The following ZHX2 variants were observed in gnomAD, a reference collection of about 807,000 sequenced individuals.
The protein encoded by ZHX2 is zinc fingers and homeoboxes 2, also known as zinc fingers and homeoboxes protein 2.
ZHX2 carries 6 observed loss-of-function variants against 21.9 expected under a neutral mutation model. The ratio of observed to expected loss-of-function variants is 0.27; its 90% CI spans 0.15 to 0.54. ZHX2 has a LOEUF of 0.54. Among genes scored for constraint, ZHX2 ranks in the 20% least tolerant of loss-of-function variants. ZHX2 has a pLI of 0.95. For missense variants in ZHX2, 908 were observed against 1,090.7 expected, an observed-to-expected ratio of 0.83 and a Z score of 2.36; for synonymous variants, 434 against 437.1, an observed-to-expected ratio of 0.99 and a Z score of 0.09.
intron 2 of ZHX2, among the ~76,000 whole-genome samples, chr8:122,887,057 G>A (rs1229125139): frequency 5.0e-5 from 2 of 39,958 alleles, no homozygotes; most frequent in Non-Finnish European, 1.0e-4. Flanking sequence ...CACCGTGTGT[G>A]TGTGTGTGTG....
At chr8:122,969,662 A>C (rs1453100756) in intron 3 of ZHX2, among the ~76,000 whole-genome samples, 1 of 152,162 alleles carries the variant, frequency 6.6e-6, no homozygotes, top group Non-Finnish European at 1.5e-5. Flanking sequence ...CCAGATGACA[A>C]TGGAACAAAA....
chr8:122,811,657 G>A (rs900654459), intron 1 of ZHX2, among the ~76,000 whole-genome samples: 14 of 152,208 alleles, frequency 9.2e-5, no homozygotes, highest in Non-Finnish European at 2.9e-5. Flanking sequence ...GAAATGGTCC[G>A]TGAGTGGCTG....
At chr8:122,923,713 C>T (rs1212981524) in intron 2 of ZHX2, among the ~76,000 whole-genome samples, 1 of 152,198 alleles carries the variant, frequency 6.6e-6, no homozygotes, top group Non-Finnish European at 1.5e-5. Context: ...AACTAAGAGG[C>T]AGGACCAACA....
At chr8:122,784,779 T>C (rs1817360294) in intron 1 of ZHX2, among the ~76,000 whole-genome samples, 1 of 152,218 alleles carries the variant, frequency 6.6e-6, no homozygotes, top group Non-Finnish European at 1.5e-5. Flanking sequence ...TTCTCTCCTT[T>C]TTCTAGATGA....
rs1414509306 is a variant in ZHX2, at chr8:122,873,936, A to C, written c.-220+10397A>C. Reference sequence around the variant, plus strand: ...AGAACATGCAGTTTCTCAGACTCTGACGTTCATTGGCTTCCTACATCTTTA... The same window carrying C: ...AGAACATGCAGTTTCTCAGACTCTGCCGTTCATTGGCTTCCTACATCTTTA... On this transcript the variant is annotated intron_variant, in intron 2 of 3. Coordinates refer to ENST00000314393, the MANE Select transcript of ZHX2 (RefSeq NM_014943.5). 2.0e-5 allele frequency among the ~76,000 whole-genome samples: 3 copies of C among 152,132 alleles called. No individual in the cohort carries two copies. In the South Asian group the frequency reaches 6.2e-4, roughly 32 times the overall value.
chr8:122,918,447 C>T (rs1334401681), intron 2 of ZHX2, among the ~76,000 whole-genome samples: 1 of 152,208 alleles, frequency 6.6e-6, no homozygotes, highest in Non-Finnish European at 1.5e-5. Context: ...AGCCACCACC[C>T]TCAGTGCCTT....
At chr8:122,808,377 G>C (rs1244515547) in intron 1 of ZHX2, among the ~76,000 whole-genome samples, 1 of 152,212 alleles carries the variant, frequency 6.6e-6, no homozygotes, top group Non-Finnish European at 1.5e-5. Context: ...ACAATCATGG[G>C]TGGAAGGGGA....
intron 1 of ZHX2, among the ~76,000 whole-genome samples, chr8:122,793,159 G>A (rs1395178824): frequency 6.6e-6 from 1 of 152,204 alleles, no homozygotes; most frequent in East Asian, 1.9e-4. Context: ...CTGGCACCTA[G>A]GCATGCCCTA....
intron 1 of ZHX2, among the ~76,000 whole-genome samples, chr8:122,853,101 T>A (rs1331208485): frequency 1.3e-5 from 2 of 152,220 alleles, no homozygotes; most frequent in Non-Finnish European, 2.9e-5. Context: ...AAGTGCTTCC[T>A]GGGTCCTATC....
chr8:122,832,483 T>C (rs891397648), intron 1 of ZHX2, among the ~76,000 whole-genome samples: 2 of 152,064 alleles, frequency 1.3e-5, no homozygotes, highest in Admixed American at 1.3e-4. Flanking sequence ...CTCCACGCCG[T>C]TCGTCGGTAT....
chr8:122,923,434 C>T (rs1031418530), intron 2 of ZHX2, among the ~76,000 whole-genome samples: 4 of 152,196 alleles, frequency 2.6e-5, no homozygotes, highest in African/African-American at 9.7e-5. Flanking sequence ...ACTGCATGTC[C>T]TCTTAAACTG....
intron 1 of ZHX2, among the ~76,000 whole-genome samples, chr8:122,795,744 G>T (rs1817602165): frequency 6.6e-6 from 1 of 152,096 alleles, no homozygotes; most frequent in Non-Finnish European, 1.5e-5. Flanking sequence ...GGAAATTAAG[G>T]CTTCAAAGAA....
chr8:122,953,484 C>T lies in ZHX2; in HGVS notation c.1974C>T (p.Tyr658=), dbSNP rs199783339. ...CCCAGTGGCCTACTCCCCAGGAGTA[C>T]GACCAGTTAGCGGCCAAGACTGGCC... is the stretch of plus-strand genomic sequence containing the variant. The part of the protein sequence containing the change: ...ARTQWPTPQE[Y]DQLAAKTGLV... Residue 658 remains tyrosine, a synonymous_variant, in exon 3 of 4, where the codon TAC becomes TAT. Transcript: ENST00000314393. The surrounding 1 kb of genome is among the most constrained non-coding windows in gnomAD (Gnocchi z 4.6). The T allele has an allele frequency of 1.6e-5, 26 of 1,614,118 alleles. No homozygotes were observed. Among genetic ancestry groups the T allele is most frequent in the South Asian group, 8.8e-5 (8 of 91,088 alleles).
chr8:122,856,821 C>T (rs1298761826), intron 1 of ZHX2, among the ~76,000 whole-genome samples: 1 of 152,090 alleles, frequency 6.6e-6, no homozygotes, highest in Non-Finnish European at 1.5e-5. Flanking sequence ...CACATCTTTC[C>T]ATCTTATAAA....
chr8:122,896,461 A>G (rs944622411), intron 2 of ZHX2, among the ~76,000 whole-genome samples: 1 of 152,234 alleles, frequency 6.6e-6, no homozygotes, highest in African/African-American at 2.4e-5. Flanking sequence ...TGCATTGTGT[A>G]TACCATATCT....
At chr8:122,833,851 G>C (rs1228215563) in intron 1 of ZHX2, among the ~76,000 whole-genome samples, 1 of 152,124 alleles carries the variant, frequency 6.6e-6, no homozygotes, top group African/African-American at 2.4e-5. Flanking sequence ...CAAAAAATTA[G>C]CCGGGCGTGG....
chr8:122,826,489 C>T lies in ZHX2; in HGVS notation c.-282-36988C>T, dbSNP rs188629083. Among the ~76,000 whole-genome samples, 451 of 152,326 alleles carry T rather than the reference C, an allele frequency of 3.0e-3. 2 individuals carry two copies. Among genetic ancestry groups the T allele is most frequent in the Non-Finnish European group, 2.7e-3 (187 of 68,022 alleles). ...CAGAGCTTGCAGTTCATTTTCCTTC[C>T]TTACAGAGCTGAGATTTATACCAAT... On this transcript the variant is annotated intron_variant, in intron 1 of 3. Coordinates refer to ENST00000314393, the MANE Select transcript of ZHX2 (RefSeq NM_014943.5).
chr8:122,883,394 G>A (rs1380083438), intron 2 of ZHX2, among the ~76,000 whole-genome samples: 2 of 152,194 alleles, frequency 1.3e-5, no homozygotes, highest in Admixed American at 1.3e-4. Context: ...GAGAAGGGAA[G>A]CAAGAGAGAG....
In ZHX2 at chr8:122,861,255, C is replaced by G. The variant is rs1819160893; in HGVS notation, c.-282-2222C>G. Among the ~76,000 whole-genome samples the G allele has an allele frequency of 3.3e-5, 5 of 152,124 alleles. No homozygotes were observed. In the South Asian group the frequency reaches 1.0e-3, roughly 31 times the overall value. On this transcript the variant is annotated intron_variant, in intron 1 of 3. Coordinates refer to ENST00000314393, the MANE Select transcript of ZHX2 (RefSeq NM_014943.5). ...TGTCAGGGATCTTTGCATCCAGCTGCTTTTACTTGGTGAAGCAAAACATTA... is the reference window on the plus strand; with the variant it reads ...TGTCAGGGATCTTTGCATCCAGCTGGTTTTACTTGGTGAAGCAAAACATTA...
Sources: allele counts gnomAD v4.1 joint callset (sites outside exome capture counted in the v4.1 genomes callset), GRCh38; gene constraint gnomAD v4.1.1; non-coding constraint Gnocchi (gnomAD v3.1); transcripts MANE v1.5; gene names NCBI Gene and HGNC (gene_info 2026-07-23, HGNC 2026-07-21).